LRRK2: variants seen among roughly 807,000 people sequenced by gnomAD.
The protein encoded by LRRK2 is leucine-rich repeat serine/threonine-protein kinase 2.
A neutral mutation model predicts 302.6 loss-of-function variants in LRRK2; 203 were observed. The ratio of observed to expected loss-of-function variants is 0.67; its 90% CI spans 0.60 to 0.75. The LOEUF (loss-of-function observed/expected upper bound fraction) is 0.75. Among genes scored for constraint, LRRK2 ranks in the 30% least tolerant of loss-of-function variants. The pLI, the probability that LRRK2 is intolerant of heterozygous loss-of-function variation, is 0.00. For missense variants in LRRK2, 2,830 were observed against 2,951.0 expected (o/e 0.96, Z 0.95); for synonymous variants, 1,066 against 1,031.9 (o/e 1.03, Z -0.63).
chr12:40,249,675 A>G (rs988506037), intron 7 of LRRK2, 151 bp from the exon 8 acceptor site: 1 of 849,230 alleles, frequency 1.2e-6, no homozygotes, highest in African/African-American at 1.7e-5. Context: ...ACTTTACTCA[A>G]TCATATTAAG....
chr12:40,247,478 G>T (rs1457764131), intron 7 of LRRK2, among the ~76,000 whole-genome samples: 2 of 144,802 alleles, frequency 1.4e-5, no homozygotes, highest in South Asian at 2.1e-4. Flanking sequence ...TATACACATT[G>T]TATATAAATG....
At chr12:40,266,685 A>C (rs17461720) in intron 14 of LRRK2, among the ~76,000 whole-genome samples, 1 of 152,192 alleles carries the variant, frequency 6.6e-6, no homozygotes, top group African/African-American at 2.4e-5. Context: ...TCATGCTGCT[A>C]TAAAGACACT....
At chr12:40,246,180 G>C (rs2136454442) in intron 7 of LRRK2, among the ~76,000 whole-genome samples, 1 of 151,312 alleles carries the variant, frequency 6.6e-6, no homozygotes, top group East Asian at 1.9e-4. Context: ...TTAAATGTTT[G>C]CTTTTATTTT....
intron 12 of LRRK2, among the ~76,000 whole-genome samples, chr12:40,258,696 C>A (rs1305746782): frequency 6.6e-6 from 1 of 152,074 alleles, no homozygotes; most frequent in Non-Finnish European, 1.5e-5. Context: ...GTAAAAGACG[C>A]AATGGTAAGA....
chr12:40,360,590 G>A (rs1211076825), intron 47 of LRRK2, among the ~76,000 whole-genome samples: 1 of 152,094 alleles, frequency 6.6e-6, no homozygotes, highest in Non-Finnish European at 1.5e-5. Flanking sequence ...TGCAGACAGA[G>A]GGACCTTTCT....
chr12:40,229,228 G>C (rs948443244), intron 2 of LRRK2, among the ~76,000 whole-genome samples: 7 of 151,922 alleles, frequency 4.6e-5, no homozygotes. Flanking sequence ...TGCTTTATAT[G>C]TTGAATTAGC....
At chr12:40,322,293 G>A (rs770386710) in intron 36 of LRRK2, 26 bp from the exon 37 acceptor site, 1 of 1,612,568 alleles carries the variant, frequency 6.2e-7, no homozygotes, top group East Asian at 2.2e-5. Flanking sequence ...TAGACAAGGT[G>A]TTGAGCTCTG....
intron 8 of LRRK2, 108 bp from the exon 9 acceptor site, chr12:40,251,124 C>T: frequency 1.4e-6 from 1 of 719,806 alleles, no homozygotes; most frequent in Non-Finnish European, 2.2e-6. Flanking sequence ...TCTCCTAAAG[C>T]ACACCTCATT....
chr12:40,263,716 A>G, intron 13 of LRRK2, 73 bp from the exon 14 acceptor site: 1 of 1,050,724 alleles, frequency 9.5e-7, no homozygotes, highest in Non-Finnish European at 1.5e-6. Context: ...GACAATTTCT[A>G]GAAAGTAACA....
intron 20 of LRRK2, among the ~76,000 whole-genome samples, chr12:40,292,540 T>C (rs922728005): frequency 9.2e-5 from 14 of 151,698 alleles, no homozygotes; most frequent in Admixed American, 7.9e-4. Context: ...AATTATGTAA[T>C]TGTTACTAAA....
intron 4 of LRRK2, among the ~76,000 whole-genome samples, chr12:40,237,584 T>A (rs1941523117): frequency 6.6e-6 from 1 of 152,104 alleles, no homozygotes; most frequent in Non-Finnish European, 1.5e-5. Context: ...AGCTAGTGGA[T>A]TATGGTATCA....
At chr12:40,362,146 A>G (rs900564366) in intron 47 of LRRK2, among the ~76,000 whole-genome samples, 4 of 151,990 alleles carry the variant, frequency 2.6e-5, no homozygotes, top group African/African-American at 9.7e-5. Flanking sequence ...TCCATGCAAA[A>G]CTTTGTCCTA....
intron 39 of LRRK2, among the ~76,000 whole-genome samples, chr12:40,334,543 G>A (rs1318530661): frequency 6.6e-6 from 1 of 152,174 alleles, no homozygotes. Context: ...AAGCAAGCTA[G>A]AGAAAAGAGT....
chr12:40,299,074 T>C, intron 24 of LRRK2, 35 bp from the exon 25 acceptor site: 1 of 1,606,418 alleles, frequency 6.2e-7, no homozygotes, highest in Non-Finnish European at 8.5e-7. Flanking sequence ...TATGAATTTA[T>C]GCAATTTAAT....
chr12:40,275,869 C>A (rs1943429845), intron 16 of LRRK2, among the ~76,000 whole-genome samples: 1 of 152,104 alleles, frequency 6.6e-6, no homozygotes, highest in Non-Finnish European at 1.5e-5. Context: ...TGCTCAGCCT[C>A]CCAAAGTGCT....
rs1946932741 is a variant in LRRK2 at position 40,368,089 on chromosome 12, G to A, written c.*324G>A. ...AAGGCCGATAATTTTTTGTTTTCTT[G>A]TCTGTAATGGAGGTAAACTTTATTT... On this transcript the variant is annotated 3_prime_UTR_variant, in exon 51 of 51. Transcript: ENST00000298910. The A allele has an allele frequency of 5.6e-6, 1 of 178,948 alleles. No homozygotes were observed. Among genetic ancestry groups the A allele is most frequent in the South Asian group, 1.2e-4 (1 of 8,128 alleles). 11.1% of individuals were successfully genotyped at this position (178,948 alleles called of 1,614,324 possible).
In LRRK2 at chr12:40,367,869, T is replaced by C. The variant is rs1592357688; in HGVS notation, c.*104T>C. 1.6e-5 allele frequency: 17 copies of C among 1,060,416 alleles called. No homozygotes were observed. The highest frequency in any genetic ancestry group is 2.2e-5 in the Non-Finnish European group (16 of 741,310). The allele number at this position is 1,060,416 out of a possible 1,614,324, so 65.7% of individuals were successfully genotyped here. A position where few individuals can be genotyped will look rare whatever the true frequency, so the allele number is the denominator to read the frequency against. The stretch of plus-strand genomic sequence containing the variant: ...GAAAGGGTACTCACATTTTTTGAAA[T>C]AGCTCGTGTGTATGAAGGAATGTTA... On this transcript the variant is annotated 3_prime_UTR_variant, in exon 51 of 51. Transcript: ENST00000298910.
At chr12:40,326,518 C>G (rs1945557995) in intron 38 of LRRK2, among the ~76,000 whole-genome samples, 1 of 151,668 alleles carries the variant, frequency 6.6e-6, no homozygotes, top group African/African-American at 2.4e-5. Flanking sequence ...AGTCCCTACT[C>G]CAACTTGAAA....
At chr12:40,320,231 T>C in intron 34 of LRRK2, 56 bp downstream of exon 34, 2 of 1,423,646 alleles carry the variant, frequency 1.4e-6, no homozygotes, top group Non-Finnish European at 2.0e-6. Flanking sequence ...TCTATTCTTT[T>C]AATTGTCAAA....
Sources: gnomAD v4.1 joint callset for allele counts (sites outside exome capture counted in the v4.1 genomes callset) on GRCh38, gnomAD v4.1.1 for gene constraint, MANE v1.5 for transcripts, NCBI Gene and HGNC (gene_info 2026-07-23, HGNC 2026-07-21) for gene names.